LY75: variants seen among roughly 807,000 people sequenced by gnomAD.
LY75 encodes lymphocyte antigen 75.
A neutral mutation model predicts 231.7 loss-of-function variants in LY75; 185 were observed. That is an observed-to-expected ratio of 0.80 (90% CI 0.71 to 0.90). The LOEUF is 0.90. Ranked by LOEUF, LY75 falls within the 40% of genes least tolerant of loss-of-function variation. The pLI is 0.00. For missense variants in LY75, 1,947 were observed against 2,050.2 expected (o/e 0.95, Z 0.97); for synonymous variants, 668 against 689.0 (o/e 0.97, Z 0.48).
chr2:159,835,415 C>T, intron 26 of LY75, 65 bp downstream of exon 26: 1 of 1,441,778 alleles, frequency 6.9e-7, no homozygotes, highest in Non-Finnish European at 9.1e-7. Flanking sequence ...AACCACTCCT[C>T]AGAAATTCTA....
chr2:159,884,191 A>G (rs527245913), intron 6 of LY75, among the ~76,000 whole-genome samples: 31 of 152,254 alleles, frequency 2.0e-4, no homozygotes, highest in Non-Finnish European at 4.1e-4. Flanking sequence ...TTCGGCCATG[A>G]TTGTGAGACC....
chr2:159,842,957 C>CAA (rs143972949), intron 23 of LY75, among the ~76,000 whole-genome samples: 5 of 149,156 alleles, frequency 3.4e-5, no homozygotes, highest in Admixed American at 6.7e-5. Context: ...GAGATACTGA[C>CAA]AAAAAAAAAT....
chr2:159,893,579 C>A (rs1048994314), intron 3 of LY75, among the ~76,000 whole-genome samples: 2 of 152,172 alleles, frequency 1.3e-5, no homozygotes, highest in Non-Finnish European at 2.9e-5. Flanking sequence ...CCACTACAAT[C>A]CAGCTTCTAC....
rs776461141 is a variant in LY75, at chr2:159,806,985, T to C, written c.4978A>G (p.Lys1660Glu). 3 of 1,613,078 alleles carry C rather than the reference T, an allele frequency of 1.9e-6. No homozygotes were observed. The highest frequency in any genetic ancestry group is 1.1e-5 in the South Asian group (1 of 90,884). The change falls in exon 34 of 35, where the codon AAA becomes GAA. Residue 1660 changes from lysine (K) to glutamate (E), a missense_variant. Lys to Glu is a moderately conservative substitution (Grantham distance 56, BLOSUM62 1). Coordinates refer to ENST00000263636, the MANE Select transcript of LY75 (RefSeq NM_002349.4). ...GTTCCATACTTACCCAGAGGCACTT[T>C]GCAGACAACTCTTCCAAAACCATGT... Reference protein sequence around the residue: ...CEHGFGRVVCKVPLGPDYTAI... With the variant: ...CEHGFGRVVCEVPLGPDYTAI...
intron 32 of LY75, among the ~76,000 whole-genome samples, chr2:159,808,977 T>C (rs1251468559): frequency 1.3e-5 from 2 of 152,212 alleles, no homozygotes; most frequent in Non-Finnish European, 2.9e-5. Context: ...TTAACCTACA[T>C]ATTAGTTTTA....
intron 29 of LY75, among the ~76,000 whole-genome samples, chr2:159,818,169 G>T (rs1487979385): frequency 6.6e-6 from 1 of 152,190 alleles, no homozygotes; most frequent in Middle Eastern, 3.2e-3. Flanking sequence ...TAGGAAGGTG[G>T]AGGATAACTT....
At chr2:159,814,324 G>A (rs1200156324) in intron 31 of LY75, among the ~76,000 whole-genome samples, 2 of 152,164 alleles carry the variant, frequency 1.3e-5, no homozygotes, top group African/African-American at 4.8e-5. Context: ...GTTACACAAA[G>A]TTAAACAGAC....
At chr2:159,865,873 C>T (rs999398709) in intron 13 of LY75, among the ~76,000 whole-genome samples, 7 of 152,130 alleles carry the variant, frequency 4.6e-5, no homozygotes, top group African/African-American at 1.4e-4. Flanking sequence ...GTAATCCTTT[C>T]CCCTCAAATA....
chr2:159,859,815 A>T (rs1200446491), intron 15 of LY75, among the ~76,000 whole-genome samples: 1 of 152,210 alleles, frequency 6.6e-6, no homozygotes, highest in Non-Finnish European at 1.5e-5. Context: ...GCTATGTGAC[A>T]TATGTGACAT....
At chr2:159,883,729 C>T (rs1421749321) in intron 6 of LY75, among the ~76,000 whole-genome samples, 2 of 152,036 alleles carry the variant, frequency 1.3e-5, no homozygotes, top group Non-Finnish European at 2.9e-5. Context: ...TTCTATTATG[C>T]CTTTTGTTGT....
chr2:159,815,867 C>T (rs979234004), intron 30 of LY75, among the ~76,000 whole-genome samples: 1 of 152,132 alleles, frequency 6.6e-6, no homozygotes, highest in African/African-American at 2.4e-5. Context: ...AATTAAACAA[C>T]ATGCAAATGG....
intron 13 of LY75, among the ~76,000 whole-genome samples, chr2:159,869,039 T>C (rs1560090309): frequency 2.6e-5 from 4 of 152,068 alleles, no homozygotes; most frequent in Admixed American, 2.6e-4. Flanking sequence ...CTGAGCAAAC[T>C]ATCGCAAGGA....
chr2:159,806,485 T>G (rs1560058205), intron 34 of LY75, among the ~76,000 whole-genome samples: 1 of 152,260 alleles, frequency 6.6e-6, no homozygotes, highest in African/African-American at 2.4e-5. Context: ...GGTAATTTTA[T>G]GTATCAATTC....
At position 159,876,829 on chromosome 2, in the gene LY75, A is replaced by C. The variant is rs563297436; in HGVS notation, c.1775-1186T>G. On this transcript the variant is annotated intron_variant, in intron 11 of 34. Coordinates refer to ENST00000263636, the MANE Select transcript of LY75 (RefSeq NM_002349.4). ...GAGACCAGCCTGGCCAAAATGGTGA[A>C]ACTCCGTCTCTACTAAAAATACAAA... Among the ~76,000 whole-genome samples, 123 of 151,994 alleles carry C rather than the reference A, an allele frequency of 8.1e-4. 1 individual carries two copies. The highest frequency in any genetic ancestry group is 2.8e-3 in the African/African-American group (117 of 41,454).
intron 23 of LY75, among the ~76,000 whole-genome samples, chr2:159,846,712 C>T (rs901552302): frequency 2.0e-5 from 3 of 152,072 alleles, no homozygotes; most frequent in African/African-American, 7.2e-5. Flanking sequence ...TTTTGGCATT[C>T]AGACTTAAAG....
chr2:159,810,660 C>A lies in LY75; in HGVS notation c.4565G>T (p.Arg1522Leu). ...YKPTKSKKLS[R>L]LTYSSRCPAA... Reference sequence around the variant, plus strand: ...TGGACATCTTGATGAATATGTAAGACGGGACAGCTTTTTAGCTATAAAAAT... The same window carrying A: ...TGGACATCTTGATGAATATGTAAGAAGGGACAGCTTTTTAGCTATAAAAAT... The change falls in exon 32 of 35, where the codon CGT becomes CTT. Residue 1522 changes from arginine (R) to leucine (L), a missense_variant. Arg to Leu is a moderately radical substitution (Grantham distance 102). Transcript: ENST00000263636. The A allele has an allele frequency of 6.2e-7, 1 of 1,611,128 alleles. No homozygotes were observed. The highest frequency in any genetic ancestry group is 8.5e-7 in the Non-Finnish European group (1 of 1,179,228).
chr2:159,827,178 C>G (rs936993699), intron 28 of LY75, among the ~76,000 whole-genome samples: 1 of 152,092 alleles, frequency 6.6e-6, no homozygotes, highest in South Asian at 2.1e-4. Flanking sequence ...AGGCAACATA[C>G]AAAATGAGAG....
At chr2:159,891,569 G>T (rs1191092857) in intron 3 of LY75, among the ~76,000 whole-genome samples, 1 of 152,046 alleles carries the variant, frequency 6.6e-6, no homozygotes, top group Non-Finnish European at 1.5e-5. Flanking sequence ...ACTTTCTCTT[G>T]CTTCTTCCAT....
chr2:159,830,702 G>A (rs1683625593), intron 28 of LY75, among the ~76,000 whole-genome samples: 1 of 149,702 alleles, frequency 6.7e-6, no homozygotes, highest in Admixed American at 6.8e-5. Context: ...TGATTCTCCT[G>A]CCTCAGCTTC....
Sources: allele counts gnomAD v4.1 joint callset (sites outside exome capture counted in the v4.1 genomes callset), GRCh38; gene constraint gnomAD v4.1.1; transcripts MANE v1.5; gene names NCBI Gene and HGNC (gene_info 2026-07-23, HGNC 2026-07-21).